CCDC192: variants seen among roughly 807,000 people sequenced by gnomAD.
CCDC192 encodes coiled-coil domain containing 192.
chr5:127,902,830 G>A (rs762811416), intron 6 of CCDC192, among the ~76,000 whole-genome samples: 2 of 152,184 alleles, frequency 1.3e-5, no homozygotes, highest in Non-Finnish European at 2.9e-5. Context: ...CTTCAGCAAT[G>A]GCTTTGAGAG....
At chr5:127,750,295 G>A (rs962299295) in intron 2 of CCDC192, among the ~76,000 whole-genome samples, 1 of 152,298 alleles carries the variant, frequency 6.6e-6, no homozygotes, top group East Asian at 1.9e-4. Context: ...ATGCATCCCA[G>A]AGATTCTGGT....
intron 6 of CCDC192, among the ~76,000 whole-genome samples, chr5:127,903,619 C>G (rs899898407): frequency 6.6e-6 from 1 of 152,128 alleles, no homozygotes; most frequent in Non-Finnish European, 1.5e-5. Context: ...TTCATGCAGG[C>G]ATGAGTGGAG....
intron 3 of CCDC192, among the ~76,000 whole-genome samples, chr5:127,775,081 T>C (rs1026643837): frequency 2.0e-5 from 3 of 152,186 alleles, no homozygotes; most frequent in African/African-American, 7.2e-5. Flanking sequence ...CATGCCTTTT[T>C]TTCCCTGTAT....
intron 1 of CCDC192, 109 bp downstream of exon 1, chr5:127,703,616 C>G: frequency 7.7e-6 from 3 of 390,302 alleles, no homozygotes; most frequent in Non-Finnish European, 1.4e-5. Flanking sequence ...TGGGGAATAA[C>G]AGCAGACAGA....
At chr5:127,900,718 A>T (rs1315913315) in intron 6 of CCDC192, among the ~76,000 whole-genome samples, 1 of 152,202 alleles carries the variant, frequency 6.6e-6, no homozygotes, top group African/African-American at 2.4e-5. Context: ...AATGTTCCTG[A>T]GCCATGACCT....
In CCDC192 at chr5:127,854,021, T is replaced by A. The variant is rs568721281; in HGVS notation, c.412-21517T>A. Among the ~76,000 whole-genome samples the A allele has an allele frequency of 2.6e-5, 4 of 152,272 alleles. No homozygotes were observed. In the South Asian group the frequency reaches 8.3e-4, roughly 32 times the overall value. ...CACCTTCATCATGAAACCATTTAAA[T>A]CTTTATTGCATTTGACCACTCAGCA... On this transcript the variant is annotated intron_variant, in intron 5 of 6. Coordinates refer to ENST00000514853, the MANE Select transcript of CCDC192 (RefSeq NM_001317938.2).
At chr5:127,714,661 C>G (rs534707545) in intron 2 of CCDC192, among the ~76,000 whole-genome samples, 12 of 152,180 alleles carry the variant, frequency 7.9e-5, no homozygotes, top group African/African-American at 2.9e-4. Flanking sequence ...TGAGCCACTA[C>G]GCCTGGCCAG....
chr5:127,914,039 A>T (rs1026289893), intron 6 of CCDC192, among the ~76,000 whole-genome samples: 1 of 152,238 alleles, frequency 6.6e-6, no homozygotes, highest in Non-Finnish European at 1.5e-5. Flanking sequence ...GAAAGGCAGA[A>T]TTATGATAAC....
intron 5 of CCDC192, among the ~76,000 whole-genome samples, chr5:127,820,101 A>T (rs1003631992): frequency 3.3e-5 from 5 of 152,222 alleles, no homozygotes; most frequent in Non-Finnish European, 7.3e-5. Flanking sequence ...GCTGTGAATT[A>T]TGTGTGTGAG....
intron 5 of CCDC192, among the ~76,000 whole-genome samples, chr5:127,832,541 T>C (rs1236806514): frequency 6.6e-6 from 1 of 151,906 alleles, no homozygotes; most frequent in East Asian, 1.9e-4. Context: ...TGGAAAAAAA[T>C]AGAGTAACAA....
At chr5:127,736,962 C>T (rs1753046898) in intron 2 of CCDC192, among the ~76,000 whole-genome samples, 1 of 150,484 alleles carries the variant, frequency 6.6e-6, no homozygotes, top group Non-Finnish European at 1.5e-5. Flanking sequence ...TATTTCTTGC[C>T]TTCTGCTAGC....
chr5:127,777,401 A>G (rs1561482647), intron 3 of CCDC192, among the ~76,000 whole-genome samples: 1 of 152,156 alleles, frequency 6.6e-6, no homozygotes, highest in Non-Finnish European at 1.5e-5. Flanking sequence ...CACCCCTTGT[A>G]TCTAGGAAGT....
intron 2 of CCDC192, among the ~76,000 whole-genome samples, chr5:127,728,062 A>G (rs1213993137): frequency 6.6e-6 from 1 of 152,190 alleles, no homozygotes; most frequent in Non-Finnish European, 1.5e-5. Context: ...CCAAACCTAC[A>G]ACTGATTGGG....
intron 5 of CCDC192, among the ~76,000 whole-genome samples, chr5:127,802,754 A>T (rs1393578594): frequency 6.6e-6 from 1 of 152,182 alleles, no homozygotes; most frequent in African/African-American, 2.4e-5. Context: ...TTCCTCCCAC[A>T]GTGTCTGGCT....
chr5:127,722,002 T>G (rs796120739), intron 2 of CCDC192, among the ~76,000 whole-genome samples: 165 of 152,076 alleles, frequency 1.1e-3, no homozygotes, highest in African/African-American at 3.6e-3. Flanking sequence ...AACATGAGAT[T>G]TGGGTGGGGA....
rs1213681503 is a variant in CCDC192 at position 127,719,454 on chromosome 5, TAC to T, written c.114+11696_114+11697del. Among the ~76,000 whole-genome samples the T allele has an allele frequency of 1.0e-3, 102 of 99,744 alleles. 1 individual carries two copies. Among genetic ancestry groups the T allele is most frequent in the Middle Eastern group, 6.0e-3 (1 of 168 alleles). The allele number at this position is 99,744 out of a possible 152,430, so 65.4% of individuals were successfully genotyped here. A position where few individuals can be genotyped will look rare whatever the true frequency, so the allele number is the denominator to read the frequency against. ...ATACACACACATACATATATATACA[TAC>T]ATATATATACAGACACATACATATA... On this transcript the variant is annotated intron_variant, in intron 2 of 6. Coordinates refer to ENST00000514853, the MANE Select transcript of CCDC192 (RefSeq NM_001317938.2).
chr5:127,802,584 A>G (rs1757563353), intron 5 of CCDC192, among the ~76,000 whole-genome samples: 1 of 152,044 alleles, frequency 6.6e-6, no homozygotes, highest in South Asian at 2.1e-4. Flanking sequence ...AGTTCTCCCT[A>G]TCAGTCCAGA....
intron 3 of CCDC192, among the ~76,000 whole-genome samples, chr5:127,795,040 C>A (rs1009274003): frequency 6.6e-6 from 1 of 152,012 alleles, no homozygotes; most frequent in African/African-American, 2.4e-5. Flanking sequence ...CACCTGTAAC[C>A]CCAGCACTTT....
chr5:127,859,132 G>A (rs1416615946), intron 5 of CCDC192, among the ~76,000 whole-genome samples: 5 of 152,136 alleles, frequency 3.3e-5, no homozygotes, highest in Admixed American at 3.3e-4. Context: ...ATCCCTTTGA[G>A]GAGAAATCCA....
Sources: allele counts gnomAD v4.1 joint callset (sites outside exome capture counted in the v4.1 genomes callset), GRCh38; gene constraint gnomAD v4.1.1; transcripts MANE v1.5; gene names NCBI Gene and HGNC (gene_info 2026-07-23, HGNC 2026-07-21).